The following MCC variants were observed in gnomAD, a reference collection of about 807,000 sequenced individuals.
The protein encoded by MCC is colorectal mutant cancer protein.
A neutral mutation model predicts 116.2 loss-of-function variants in MCC; 90 were observed. The observed-to-expected ratio is 0.77, with a 90% confidence interval of 0.65 to 0.92. MCC has a LOEUF of 0.92. Ranked by LOEUF, MCC falls within the 40% of genes least tolerant of loss-of-function variation. MCC has a pLI of 0.00. For missense variants in MCC, 1,516 were observed against 1,312.2 expected, an observed-to-expected ratio of 1.16 and a Z score of -2.40; for synonymous variants, 578 against 510.5, an observed-to-expected ratio of 1.13 and a Z score of -1.78.
At chr5:113,460,318 G>A (rs1036217120) in intron 1 of MCC, among the ~76,000 whole-genome samples, 4 of 152,172 alleles carry the variant, frequency 2.6e-5, no homozygotes, top group East Asian at 1.9e-4. Flanking sequence ...CCTTTTCGGT[G>A]GGGATTTCTC....
At chr5:113,379,776 A>G (rs144897789) in intron 2 of MCC, among the ~76,000 whole-genome samples, 131 of 152,312 alleles carry the variant, frequency 8.6e-4, no homozygotes, top group African/African-American at 2.8e-3. Flanking sequence ...TTTTCACCCA[A>G]AGAACTTTTG....
intron 2 of MCC, among the ~76,000 whole-genome samples, chr5:113,365,153 C>T (rs1371215244): frequency 6.6e-6 from 1 of 152,208 alleles, no homozygotes; most frequent in African/African-American, 2.4e-5. Context: ...TTACACCCTC[C>T]TTCCTTTTTA....
intron 2 of MCC, among the ~76,000 whole-genome samples, chr5:113,341,043 AT>A (rs1767998031): frequency 1.3e-5 from 2 of 152,206 alleles, no homozygotes; most frequent in Non-Finnish European, 2.9e-5. Flanking sequence ...CACATCTGTG[AT>A]TTGCACAGGG....
intron 16 of MCC, among the ~76,000 whole-genome samples, chr5:113,046,199 C>CT (rs113389112): frequency 0.045 from 6,635 of 147,484 alleles, 503 homozygotes; most frequent in African/African-American, 0.15. Context: ...AATTTTCTTA[C>CT]TTTTTTTTTT....
At chr5:113,090,202 G>A (rs1270937553) in intron 8 of MCC, among the ~76,000 whole-genome samples, 5 of 152,080 alleles carry the variant, frequency 3.3e-5, no homozygotes, top group Non-Finnish European at 5.9e-5. Context: ...GGGAGAAAAG[G>A]AAAGGAGGTG....
chr5:113,091,372 G>A (rs1338614057), intron 8 of MCC, among the ~76,000 whole-genome samples: 2 of 152,146 alleles, frequency 1.3e-5, no homozygotes, highest in Non-Finnish European at 2.9e-5. Flanking sequence ...CCACAAAGCT[G>A]CCAGACACAG....
chr5:113,101,247 G>T (rs554754350), intron 8 of MCC, among the ~76,000 whole-genome samples: 69 of 151,962 alleles, frequency 4.5e-4, no homozygotes, highest in African/African-American at 1.6e-3. Flanking sequence ...CAATGTACAA[G>T]ATATGGCTAT....
At chr5:113,227,511 C>T (rs2150332474) in intron 3 of MCC, among the ~76,000 whole-genome samples, 1 of 152,286 alleles carries the variant, frequency 6.6e-6, no homozygotes, top group African/African-American at 2.4e-5. Flanking sequence ...AATTTGAATT[C>T]AGCTCCTATC....
chr5:113,199,282 C>T (rs1264432616), intron 3 of MCC, among the ~76,000 whole-genome samples: 2 of 151,862 alleles, frequency 1.3e-5, no homozygotes, highest in African/African-American at 4.8e-5. Context: ...ATCTGAGGTC[C>T]GAGTGTAAAT....
At chr5:113,267,744 C>T (rs1170521117) in intron 3 of MCC, among the ~76,000 whole-genome samples, 1 of 152,148 alleles carries the variant, frequency 6.6e-6, no homozygotes, top group Non-Finnish European at 1.5e-5. Flanking sequence ...CTGCTAATAG[C>T]CTTTCTTTTG....
chr5:113,273,510 G>A (rs150630849), intron 3 of MCC, among the ~76,000 whole-genome samples: 24 of 152,238 alleles, frequency 1.6e-4, no homozygotes, highest in African/African-American at 4.8e-4. Context: ...AAATCTAATA[G>A]GACATAAAGT....
chr5:113,466,728 T>A (rs1157146844), intron 1 of MCC, among the ~76,000 whole-genome samples: 1 of 152,138 alleles, frequency 6.6e-6, no homozygotes, highest in African/African-American at 2.4e-5. Flanking sequence ...CAAATGGTAT[T>A]TCTAGTTCTA....
chr5:113,061,966 T>C (rs943299765), intron 14 of MCC, among the ~76,000 whole-genome samples: 9 of 152,252 alleles, frequency 5.9e-5, no homozygotes, highest in African/African-American at 2.2e-4. Context: ...TTTGGGACTT[T>C]ATTCTAAACC....
At chr5:113,315,218 T>G (rs963059641) in intron 3 of MCC, among the ~76,000 whole-genome samples, 1 of 152,198 alleles carries the variant, frequency 6.6e-6, no homozygotes, top group Non-Finnish European at 1.5e-5. Context: ...TCCTCAATTC[T>G]TTTCATCCCT....
At chr5:113,123,679 C>G (rs922359580) in intron 5 of MCC, among the ~76,000 whole-genome samples, 1 of 152,178 alleles carries the variant, frequency 6.6e-6, no homozygotes, top group Admixed American at 6.5e-5. Flanking sequence ...CACACCACCA[C>G]CATCACCACA....
At chr5:113,101,427 G>A in intron 8 of MCC, 1 of 294,182 alleles carries the variant, frequency 3.4e-6, no homozygotes. Flanking sequence ...TTATCCTAAA[G>A]AACATTTTAA....
chr5:113,165,285 A>G (rs1342517600), intron 3 of MCC, among the ~76,000 whole-genome samples: 1 of 152,178 alleles, frequency 6.6e-6, no homozygotes, highest in Non-Finnish European at 1.5e-5. Flanking sequence ...GTCTCTAGAA[A>G]CCACAACATA....
intron 3 of MCC, among the ~76,000 whole-genome samples, chr5:113,159,713 C>G (rs1459848617): frequency 6.6e-6 from 1 of 152,172 alleles, no homozygotes; most frequent in Non-Finnish European, 1.5e-5. Flanking sequence ...AAATGCCTGG[C>G]AAAAGGGTAG....
chr5:113,304,100 G>A (rs1357346538), intron 3 of MCC, among the ~76,000 whole-genome samples: 2 of 152,036 alleles, frequency 1.3e-5, no homozygotes, highest in African/African-American at 4.8e-5. Context: ...GAAGCACCTC[G>A]GCAAGGATTA....
Sources: allele counts gnomAD v4.1 joint callset (sites outside exome capture counted in the v4.1 genomes callset), GRCh38; gene constraint gnomAD v4.1.1; transcripts MANE v1.5; gene names NCBI Gene and HGNC (gene_info 2026-07-23, HGNC 2026-07-21).